Variants in PARN observed in about 807,000 individuals in gnomAD.
PARN encodes the protein poly(A)-specific ribonuclease.
PARN carries 71 observed loss-of-function variants against 102.8 expected under a neutral mutation model. The observed-to-expected ratio is 0.69, with a 90% CI of 0.57 to 0.84. The LOEUF (loss-of-function observed/expected upper bound fraction) is 0.84, where lower values mean the gene tolerates loss of function less well. Ranked by LOEUF, PARN falls within the 40% of genes least tolerant of loss-of-function variation. The pLI is 0.00. For synonymous variants in PARN, 261 were observed against 252.9 expected, an observed-to-expected ratio of 1.03 and a Z score of -0.30; for missense variants, 782 against 760.9, an observed-to-expected ratio of 1.03 and a Z score of -0.33.
At chr16:14,525,728 G>C (rs1372148437) in intron 21 of PARN, among the ~76,000 whole-genome samples, 3 of 152,114 alleles carry the variant, frequency 2.0e-5, no homozygotes, top group African/African-American at 7.2e-5. Context: ...TTAATTGTAG[G>C]CTCCACCAGG....
chr16:14,569,253 G>A (rs903016549), intron 18 of PARN, among the ~76,000 whole-genome samples: 1 of 151,374 alleles, frequency 6.6e-6, no homozygotes, highest in Admixed American at 6.6e-5. Flanking sequence ...TTAAAAAAAC[G>A]AAATGAAATG....
intron 21 of PARN, among the ~76,000 whole-genome samples, chr16:14,543,092 A>T (rs2379095): frequency 6.6e-6 from 1 of 152,228 alleles, no homozygotes; most frequent in African/African-American, 2.4e-5. Context: ...AAATTAACAC[A>T]TTATATACAG....
At chr16:14,614,257 A>T (rs1971721586) in intron 6 of PARN, among the ~76,000 whole-genome samples, 1 of 152,036 alleles carries the variant, frequency 6.6e-6, no homozygotes, top group African/African-American at 2.4e-5. Flanking sequence ...TCTTGTCTCA[A>T]AAATGGGAAA....
chr16:14,446,900 GCTC>G lies in PARN; in HGVS notation c.1849_1851del (p.Glu617del), dbSNP rs1332416390. The G allele has an allele frequency of 6.2e-7, 1 of 1,612,304 alleles. No individual in the cohort carries two copies. Among genetic ancestry groups the G allele is most frequent in the South Asian group, 1.1e-5 (1 of 90,868 alleles). ...ATCCAATACAAACCTGCTGGAGAAA[GCTC>G]CTTCTTCATTCTTTTTAATTTCTTG... On this transcript the variant is annotated inframe_deletion, in exon 23 of 24. Coordinates refer to ENST00000437198, the MANE Select transcript of PARN (RefSeq NM_002582.4).
chr16:14,539,351 A>G (rs1269610983), intron 21 of PARN, among the ~76,000 whole-genome samples: 1 of 152,218 alleles, frequency 6.6e-6, no homozygotes, highest in African/African-American at 2.4e-5. Context: ...AGCCGCTTTA[A>G]TGCTGTATCA....
intron 6 of PARN, among the ~76,000 whole-genome samples, chr16:14,613,309 C>CAAA (rs754334898): frequency 2.7e-5 from 2 of 73,416 alleles, no homozygotes; most frequent in Admixed American, 1.5e-4. Context: ...AACTCCATCT[C>CAAA]AAAAAAAAAA....
chr16:14,523,507 C>G (rs1965845171), intron 21 of PARN, among the ~76,000 whole-genome samples: 1 of 152,154 alleles, frequency 6.6e-6, no homozygotes. Flanking sequence ...AAAATACAGT[C>G]AGGACAGGAT....
chr16:14,511,429 T>A (rs1482056742), intron 21 of PARN, among the ~76,000 whole-genome samples: 4 of 150,828 alleles, frequency 2.7e-5, no homozygotes, highest in Admixed American at 1.3e-4. Flanking sequence ...CCAAACCACA[T>A]CCTATTTGAT....
intron 22 of PARN, among the ~76,000 whole-genome samples, chr16:14,457,900 ATAGGGGTGTGTGTG>A (rs1301083232): frequency 6.7e-6 from 1 of 150,252 alleles, no homozygotes; most frequent in Non-Finnish European, 1.5e-5. Flanking sequence ...CTCTTGTGGA[ATAGGGGTGTGTGTG>A]TGGGGGTGTG....
chr16:14,449,835 A>G (rs570986520), intron 22 of PARN, among the ~76,000 whole-genome samples: 3 of 152,330 alleles, frequency 2.0e-5, no homozygotes, highest in Admixed American at 6.5e-5. Context: ...AAAGCTTGAT[A>G]ATATACTCCA....
At chr16:14,495,262 G>C (rs1206934338) in intron 21 of PARN, among the ~76,000 whole-genome samples, 1 of 152,084 alleles carries the variant, frequency 6.6e-6, no homozygotes, top group African/African-American at 2.4e-5. Flanking sequence ...CAAGGCGAGA[G>C]GATCACTCGA....
intron 11 of PARN, among the ~76,000 whole-genome samples, chr16:14,601,406 T>C (rs923082849): frequency 1.3e-5 from 2 of 152,028 alleles, no homozygotes; most frequent in African/African-American, 4.8e-5. Context: ...ACCAAATTCA[T>C]ATGACAGTAA....
intron 21 of PARN, among the ~76,000 whole-genome samples, chr16:14,507,397 C>T (rs1331844038): frequency 1.3e-5 from 2 of 149,484 alleles, no homozygotes; most frequent in African/African-American, 2.5e-5. Flanking sequence ...ATCATGTAAT[C>T]AACAGAGGCC....
In PARN at chr16:14,608,988, A is replaced by T; in HGVS notation, c.620+70T>A. 3 of 771,562 alleles carry T rather than the reference A, an allele frequency of 3.9e-6. No individual in the cohort carries two copies. In the South Asian group the frequency reaches 4.7e-5, roughly 12 times the overall value. The allele number at this position is 771,562 out of a possible 1,614,324, so 47.8% of individuals were successfully genotyped here. ...TATAAAGCTGTTTTTAAAAGACTAG[A>T]TGCATCAAATGCCACAAACCATCTA... On this transcript the variant is annotated intron_variant, in intron 8 of 23. Transcript: ENST00000437198.
chr16:14,596,412 C>G (rs1367072712), intron 12 of PARN, among the ~76,000 whole-genome samples: 1 of 151,666 alleles, frequency 6.6e-6, no homozygotes, highest in East Asian at 1.9e-4. Flanking sequence ...ATCCCTGAGT[C>G]CATACATATA....
intron 5 of PARN, among the ~76,000 whole-genome samples, chr16:14,619,771 A>G (rs1274955269): frequency 6.8e-6 from 1 of 147,250 alleles, no homozygotes; most frequent in East Asian, 2.0e-4. Context: ...TCTGCCTCTT[A>G]AAAAAAAAAC....
At chr16:14,601,969 T>A (rs918212024) in intron 11 of PARN, 2 of 149,574 alleles carry the variant, frequency 1.3e-5, no homozygotes, top group Non-Finnish European at 3.0e-5. Flanking sequence ...CTCACTCTGT[T>A]GTCCAGGCTG....
At chr16:14,478,078 T>C (rs113903217) in intron 22 of PARN, among the ~76,000 whole-genome samples, 2,604 of 152,116 alleles carry the variant, frequency 0.017, 73 homozygotes, top group African/African-American at 0.06. Context: ...TCCCAGCACT[T>C]TGGGAGGTGG....
At chr16:14,533,405 G>C (rs1211225041) in intron 21 of PARN, among the ~76,000 whole-genome samples, 1 of 137,402 alleles carries the variant, frequency 7.3e-6, no homozygotes, top group Non-Finnish European at 1.5e-5. Context: ...GGAAAGAGAG[G>C]GAGACCGTGG....
Sources: gnomAD v4.1 joint callset for allele counts (sites outside exome capture counted in the v4.1 genomes callset) on GRCh38, gnomAD v4.1.1 for gene constraint, MANE v1.5 for transcripts, NCBI Gene and HGNC (gene_info 2026-07-23, HGNC 2026-07-21) for gene names.